VTI1A: variants seen among roughly 807,000 people sequenced by gnomAD.
VTI1A encodes vesicle transport through interaction with t-SNAREs 1A, also known as vesicle transport through interaction with t-SNAREs homolog 1A.
In VTI1A, 22 loss-of-function variants were observed where a neutral mutation model predicts 34.9. The observed-to-expected ratio is 0.63, with a 90% CI of 0.45 to 0.90. The LOEUF (loss-of-function observed/expected upper bound fraction) is 0.90, where lower values mean the gene tolerates loss of function less well. Among genes scored for constraint, VTI1A ranks in the 40% least tolerant of loss-of-function variants. The probability of loss-of-function intolerance (pLI) is 0.00; values close to 1 mark genes in which losing one functional copy is unlikely to be tolerated. For synonymous variants in VTI1A, 87 were observed against 97.3 expected, an observed-to-expected ratio of 0.89 and a Z score of 0.62; for missense variants, 268 against 275.6, an observed-to-expected ratio of 0.97 and a Z score of 0.20.
At position 112,464,786 on chromosome 10, in the gene VTI1A, A is replaced by G; in HGVS notation, c.264+129A>G. On this transcript the variant is annotated intron_variant, in intron 3 of 7. Transcript: ENST00000393077. ...AGACAAGTAACAGCTTTCATTCTTT[A>G]TGAGTTAGGGATCTAAAAAATGGTT... is the stretch of plus-strand genomic sequence containing the variant. 5.3e-6 allele frequency: 4 copies of G among 757,592 alleles called. No homozygotes were observed. In the South Asian group the frequency reaches 5.4e-5, roughly 10 times the overall value. The allele number at this position is 757,592 out of a possible 1,614,324, so 46.9% of individuals were successfully genotyped here.
chr10:112,697,416 T>TG (rs1848834684), intron 7 of VTI1A, among the ~76,000 whole-genome samples: 1 of 148,836 alleles, frequency 6.7e-6, no homozygotes, highest in Non-Finnish European at 1.5e-5. Flanking sequence ...TTTTTTTTTT[T>TG]GAGAGAGTGT....
chr10:112,564,895 TC>T (rs1412262003), intron 5 of VTI1A, among the ~76,000 whole-genome samples: 1 of 152,148 alleles, frequency 6.6e-6, no homozygotes, highest in African/African-American at 2.4e-5. Flanking sequence ...TTGTTTTCTT[TC>T]CTTTTTTAGG....
chr10:112,554,265 C>T (rs762944808), intron 5 of VTI1A, among the ~76,000 whole-genome samples: 7 of 152,134 alleles, frequency 4.6e-5, no homozygotes, highest in Non-Finnish European at 1.0e-4. Context: ...GCTAAAAGTA[C>T]ACTTACACTG....
chr10:112,654,403 A>G (rs557753788), intron 5 of VTI1A, among the ~76,000 whole-genome samples: 5 of 152,200 alleles, frequency 3.3e-5, no homozygotes, highest in East Asian at 1.9e-4. Flanking sequence ...CCACGCATAC[A>G]TCTCAAATTT....
intron 1 of VTI1A, among the ~76,000 whole-genome samples, chr10:112,454,562 A>G (rs1413538996): frequency 2.0e-5 from 3 of 152,194 alleles, no homozygotes; most frequent in Non-Finnish European, 4.4e-5. Context: ...TGATCATGCC[A>G]CTGCACTCTA....
chr10:112,805,802 G>T (rs1221363066), intron 7 of VTI1A, among the ~76,000 whole-genome samples: 1 of 152,174 alleles, frequency 6.6e-6, no homozygotes, highest in Non-Finnish European at 1.5e-5. Flanking sequence ...GCATGGATCA[G>T]ACTCTCTCAC....
At chr10:112,601,196 A>G (rs1482001843) in intron 5 of VTI1A, among the ~76,000 whole-genome samples, 2 of 152,142 alleles carry the variant, frequency 1.3e-5, no homozygotes, top group Non-Finnish European at 2.9e-5. Context: ...GACTTAAGGG[A>G]AAAGCATTCT....
intron 7 of VTI1A, among the ~76,000 whole-genome samples, chr10:112,772,838 G>A (rs774520707): frequency 6.6e-6 from 1 of 152,178 alleles, no homozygotes; most frequent in African/African-American, 2.4e-5. Flanking sequence ...ACACACCTCA[G>A]CCCAGTCCAC....
chr10:112,511,084 T>A (rs1849590029), intron 3 of VTI1A, among the ~76,000 whole-genome samples: 1 of 152,172 alleles, frequency 6.6e-6, no homozygotes, highest in South Asian at 2.1e-4. Flanking sequence ...TTTAGATCAT[T>A]TTAAGCTTTG....
chr10:112,760,448 A>G (rs1564915148), intron 7 of VTI1A, among the ~76,000 whole-genome samples: 1 of 152,220 alleles, frequency 6.6e-6, no homozygotes, highest in Non-Finnish European at 1.5e-5. Flanking sequence ...AAGCGAAACC[A>G]TGGATAAGAG....
At chr10:112,795,431 CTTT>C (rs35159993) in intron 7 of VTI1A, among the ~76,000 whole-genome samples, 2,413 of 123,942 alleles carry the variant, frequency 0.019, 55 homozygotes, top group African/African-American at 0.069. Flanking sequence ...CCCTATTACT[CTTT>C]TTTTTTTTTT....
At chr10:112,501,368 A>G (rs980560379) in intron 3 of VTI1A, among the ~76,000 whole-genome samples, 3 of 152,138 alleles carry the variant, frequency 2.0e-5, no homozygotes, top group Admixed American at 6.5e-5. Flanking sequence ...TGAAATTCCA[A>G]TATTTCTGGT....
the VTI1A span, among the ~76,000 whole-genome samples, chr10:112,835,836 T>TA: frequency 6.6e-6 from 1 of 151,850 alleles, no homozygotes; most frequent in Non-Finnish European, 1.5e-5. Flanking sequence ...TATATTGGGG[T>TA]AGGGGGGGCA....
chr10:112,550,941 GT>G (rs563028231), intron 5 of VTI1A, among the ~76,000 whole-genome samples: 3 of 152,078 alleles, frequency 2.0e-5, no homozygotes, highest in Non-Finnish European at 4.4e-5. Flanking sequence ...TGATATTTGT[GT>G]TTATATAAAG....
intron 3 of VTI1A, among the ~76,000 whole-genome samples, chr10:112,504,501 C>T (rs1564804174): frequency 1.3e-5 from 2 of 150,006 alleles, no homozygotes; most frequent in African/African-American, 4.9e-5. Context: ...CTTTTTTATT[C>T]TTTTTTTTTT....
At chr10:112,624,018 A>G (rs879849104) in intron 5 of VTI1A, among the ~76,000 whole-genome samples, 3 of 152,226 alleles carry the variant, frequency 2.0e-5, no homozygotes, top group Non-Finnish European at 4.4e-5. Context: ...TTTCAAGAAA[A>G]GAGACCAGCA....
At chr10:112,847,757 C>T in the VTI1A span, among the ~76,000 whole-genome samples, 1 of 152,190 alleles carries the variant, frequency 6.6e-6, no homozygotes, top group African/African-American at 2.4e-5. Flanking sequence ...TTCACCATGC[C>T]AAATGAGATA....
chr10:112,764,279 G>GTGT (rs1487656637), intron 7 of VTI1A, among the ~76,000 whole-genome samples: 4 of 152,206 alleles, frequency 2.6e-5, no homozygotes, highest in African/African-American at 7.2e-5. Context: ...GGTACTTGAT[G>GTGT]TGTCGGTCAT....
At chr10:112,819,925 C>T (rs1853620993), downstream of VTI1A, among the ~76,000 whole-genome samples, 1 of 152,326 alleles carries the variant, frequency 6.6e-6, no homozygotes, top group Admixed American at 6.5e-5. Context: ...CTCCCATCCC[C>T]AGAGGGACCA....
Sources: allele counts gnomAD v4.1 joint callset (sites outside exome capture counted in the v4.1 genomes callset), GRCh38; gene constraint gnomAD v4.1.1; transcripts MANE v1.5; gene names NCBI Gene and HGNC (gene_info 2026-07-23, HGNC 2026-07-21).